Variants in RIN1 observed in about 807,000 individuals in gnomAD.
RIN1 encodes the protein Ras and Rab interactor 1.
A neutral mutation model predicts 64.9 loss-of-function variants in RIN1; 52 were observed. The observed-to-expected ratio is 0.80, with a 90% CI of 0.64 to 1.01. The LOEUF is 1.01. Among genes scored for constraint, RIN1 ranks in the 50% least tolerant of loss-of-function variants. The pLI, the probability that RIN1 is intolerant of heterozygous loss-of-function variation, is 0.00. For missense variants in RIN1, 1,040 were observed against 1,064.5 expected, an observed-to-expected ratio of 0.98 and a Z score of 0.32; for synonymous variants, 486 against 483.6, an observed-to-expected ratio of 1.00 and a Z score of -0.06.
chr11:66,334,347 G>A, intron 6 of RIN1, 123 bp from the exon 7 acceptor site: 1 of 1,223,450 alleles, frequency 8.2e-7, no homozygotes, highest in South Asian at 1.5e-5. Context: ...AGGTAGCCTG[G>A]GTGAGACGGA....
In RIN1 at chr11:66,336,348, T is replaced by C. The variant is rs1464844387; in HGVS notation, c.55A>G (p.Ser19Gly). Residue 19 changes from serine to glycine, a missense_variant, in exon 1 of 10, where the codon AGC (serine) becomes GGC (glycine). By Grantham distance (56) the Ser-to-Gly change is moderately conservative. Coordinates refer to ENST00000311320, the MANE Select transcript of RIN1 (RefSeq NM_004292.3). ...CTCGCCAGGTGCCCAGTAGTGAAGC[T>C]GGACGGGCTGGGGGCTCCAGGAGAG... is the stretch of plus-strand genomic sequence containing the variant. Reference protein sequence around the residue: ...AGSPGAPSPSSFTTGHLAREK... With the variant: ...AGSPGAPSPSGFTTGHLAREK... 3 of 1,613,670 alleles carry C rather than the reference T, an allele frequency of 1.9e-6. No individual in the cohort carries two copies. The highest frequency in any genetic ancestry group is 2.7e-5 in the African/African-American group (2 of 74,952).
At position 66,332,303 on chromosome 11, in the gene RIN1, T is replaced by C. The variant is rs768500232; in HGVS notation, c.2325A>G (p.Ala775=). 2 of 1,614,132 alleles carry C rather than the reference T, an allele frequency of 1.2e-6. No individual in the cohort carries two copies. The highest frequency in any genetic ancestry group is 1.7e-5 in the Admixed American group (1 of 60,026). Residue 775 remains alanine (A), a synonymous_variant, in exon 10 of 10, where the codon GCA becomes GCG. Transcript: ENST00000311320. The stretch of plus-strand genomic sequence containing the variant: ...ACTCCTCTGCTGCCCGGCTTCCCTC[T>C]GCCTCTGGTTCCCCTGGCTGAGCAG... ...EGPAQPGEPE[A]EGSRAAEE
chr11:66,336,501 C>T, upstream of RIN1: 1 of 1,011,218 alleles, frequency 9.9e-7, no homozygotes, highest in Non-Finnish European at 1.5e-6. Flanking sequence ...CCGCCTGTCA[C>T]ACCCGCCAGT....
chr11:66,334,951 G>A lies in RIN1; in HGVS notation c.848C>T (p.Pro283Leu). ...AVPSQTERLP[P>L]CQLLRRESSV... The stretch of plus-strand genomic sequence containing the variant: ...GCTCTCCCTCCGTAGCAGCTGGCAA[G>A]GGGGCAGCCGCTCTGTCTGGCTGGG... Residue 283 changes from proline (P) to leucine (L), a missense_variant, in exon 6 of 10, where the codon CCT (proline) becomes CTT (leucine). By Grantham distance (98) the Pro-to-Leu change is moderately conservative (BLOSUM62 -3). Coordinates refer to ENST00000311320, the MANE Select transcript of RIN1 (RefSeq NM_004292.3). 1 of 1,584,594 alleles carries A rather than the reference G, an allele frequency of 6.3e-7. No individual in the cohort carries two copies. Among genetic ancestry groups the A allele is most frequent in the Admixed American group, 1.8e-5 (1 of 56,902 alleles).
Position 66,334,206 on chromosome 11 carries a change from G to A in RIN1, c.1304C>T (p.Ser435Leu). Residue 435 changes from serine to leucine, a missense_variant, in exon 7 of 10, where the codon TCA becomes TTA. Transcript: ENST00000311320. ...PKRLEHVLEK[S>L]LHCSVLKPLR... ...AGGCTTGAGCACAGAGCAATGCAAT[G>A]ACTTCTCCAGGACATGTTCTGCCGG... The A allele has an allele frequency of 1.4e-6, 2 of 1,447,770 alleles. No homozygotes were observed. The highest frequency in any genetic ancestry group is 2.5e-5 in the East Asian group (1 of 39,360). The allele number at this position is 1,447,770 out of a possible 1,614,324, so 89.7% of individuals were successfully genotyped here.
rs566047167 is a variant in RIN1 at position 66,332,495 on chromosome 11, C to G, written c.2133G>C (p.Gly711=). The change falls in exon 10 of 10, where the codon GGG becomes GGC. Residue 711 remains glycine, a synonymous_variant. Coordinates refer to ENST00000311320, the MANE Select transcript of RIN1 (RefSeq NM_004292.3). ...CACTGCCCTCCTCCTCTGTCACAGC[C>G]CCCTGGGTCTCAGGCCACTCCGCCC... The part of the protein sequence containing the change: ...YRRAEWPETQ[G]AVTEEEGSGQ... The G allele has an allele frequency of 6.2e-7, 1 of 1,614,188 alleles. No homozygotes were observed. The highest frequency in any genetic ancestry group is 1.1e-5 in the South Asian group (1 of 91,092).
chr11:66,334,892 GGCCACT>G lies in RIN1; in HGVS notation c.901_906del (p.Ser301_Gly302del), dbSNP rs1256604750. ...AGGGAGGGCATAGGCGGAAGGCTAG[GGCCACT>G]GCCTGCTGGCACGCGGTACCCCACT... On this transcript the variant is annotated inframe_deletion, in exon 6 of 10. Transcript: ENST00000311320. 6.3e-7 allele frequency: 1 copy of G among 1,576,028 alleles called. No homozygotes were observed. The highest frequency in any genetic ancestry group is 8.6e-7 in the Non-Finnish European group (1 of 1,160,592).
At chr11:66,334,478 G>A in intron 6 of RIN1, 36 bp downstream of exon 6, 8 of 1,587,740 alleles carry the variant, frequency 5.0e-6, no homozygotes, top group Non-Finnish European at 6.8e-6. Context: ...GGGTCGGATG[G>A]GGCAGTGCTG....
Position 66,334,096 on chromosome 11 carries a change from C to T in RIN1, c.1414G>A (p.Ala472Thr). ...AAGGCTCCGGGGCCCTGGGCCCGGG[C>T]CAGGCGGAGGCCCTCAGCTAGGCGG... ...LGRLAEGLRLARAQGPGAFGS... is the reference protein window; with the variant it reads ...LGRLAEGLRLTRAQGPGAFGS... Residue 472 changes from alanine to threonine, a missense_variant, in exon 7 of 10, where the codon GCC (alanine) becomes ACC (threonine). Physicochemically the swap from Ala to Thr is moderately conservative, Grantham distance 58 (BLOSUM62 0). Coordinates refer to ENST00000311320, the MANE Select transcript of RIN1 (RefSeq NM_004292.3). 6.4e-7 allele frequency: 1 copy of T among 1,559,652 alleles called. No homozygotes were observed. The highest frequency in any genetic ancestry group is 8.7e-7 in the Non-Finnish European group (1 of 1,152,166).
chr11:66,333,963 A>G lies in RIN1; in HGVS notation c.1547T>C (p.Leu516Pro). Reference protein sequence around the residue: ...YSPSAQVKRLLQACKLLYMAL... With the variant: ...YSPSAQVKRLPQACKLLYMAL... The stretch of plus-strand genomic sequence containing the variant: ...CATGTAGAGCAGCTTGCAGGCCTGC[A>G]GGAGCCGCTTGACCTGGGCGCTGGG... Residue 516 changes from leucine (L) to proline (P), a missense_variant, in exon 7 of 10, where the codon CTG becomes CCG. Physicochemically the swap from Leu to Pro is moderately conservative, Grantham distance 98. Transcript: ENST00000311320. 6.4e-7 allele frequency: 1 copy of G among 1,557,452 alleles called. No individual in the cohort carries two copies. The highest frequency in any genetic ancestry group is 1.2e-5 in the South Asian group (1 of 84,438).
In RIN1 at chr11:66,335,955, CTGGAGTGTGGGGCAAGACT is replaced by C. The variant is rs1211615788; in HGVS notation, c.267+4_267+22del. 6.7e-7 allele frequency: 1 copy of C among 1,487,492 alleles called. No individual in the cohort carries two copies. The highest frequency in any genetic ancestry group is 8.9e-7 in the Non-Finnish European group (1 of 1,118,882). 92.1% of individuals were successfully genotyped at this position (1,487,492 alleles called of 1,614,324 possible). On this transcript the variant is annotated splice_donor_5th_base_variant and intron_variant, in intron 2 of 9. Transcript: ENST00000311320. ...CCTCCCACCCCTGGCTGGCCAGTCC[CTGGAGTGTGGGGCAAGACT>C]CACCCCCGGGGGCTCGGTCCTCAGC...
At chr11:66,334,248 CA>C (rs1300215845) in intron 6 of RIN1, 24 bp from the exon 7 acceptor site, 15 of 1,244,138 alleles carry the variant, frequency 1.2e-5, no homozygotes, top group Middle Eastern at 2.1e-4. Context: ...AGGGAGGGGT[CA>C]GGGGAAGACT....
rs747178181 is a variant in RIN1, at chr11:66,334,183, G to T, written c.1327C>A (p.Pro443Thr). The T allele has an allele frequency of 2.0e-6, 3 of 1,523,326 alleles. No homozygotes were observed. In the South Asian group the frequency reaches 3.9e-5, roughly 20 times the overall value. The allele number at this position is 1,523,326 out of a possible 1,614,324, so 94.4% of individuals were successfully genotyped here. ...CGGGCTGCCAGGATGGGCCGGAGAG[G>T]CTTGAGCACAGAGCAATGCAATGAC... is the stretch of plus-strand genomic sequence containing the variant. ...EKSLHCSVLK[P>T]LRPILAARLR... The change falls in exon 7 of 10, where the codon CCT becomes ACT. Residue 443 changes from proline (P) to threonine (T), a missense_variant. Physicochemically the swap from Pro to Thr is conservative, Grantham distance 38. Coordinates refer to ENST00000311320, the MANE Select transcript of RIN1 (RefSeq NM_004292.3).
At chr11:66,334,478 G>C in intron 6 of RIN1, 36 bp downstream of exon 6, 1 of 1,587,740 alleles carries the variant, frequency 6.3e-7, no homozygotes, top group Non-Finnish European at 8.6e-7. Context: ...GGGTCGGATG[G>C]GGCAGTGCTG....
Position 66,335,983 on chromosome 11 carries a change from G to C in RIN1, c.262C>G (p.Pro88Ala), listed in dbSNP as rs768770156. Residue 88 changes from proline (P) to alanine (A), a missense_variant, in exon 2 of 10, where the codon CCG (proline) becomes GCG (alanine). Transcript: ENST00000311320. ...GAGTGTGGGGCAAGACTCACCCCCG[G>C]GGGCTCGGTCCTCAGCATGTGCAGT... ...AALHMLRTEP[P>A]GTFLVRKSNT... 14 of 1,476,636 alleles carry C rather than the reference G, an allele frequency of 9.5e-6. No individual in the cohort carries two copies. Among genetic ancestry groups the C allele is most frequent in the Non-Finnish European group, 1.2e-5 (13 of 1,113,046 alleles). 91.5% of individuals were successfully genotyped at this position (1,476,636 alleles called of 1,614,324 possible).
In RIN1 at chr11:66,335,188, G is replaced by A. The variant is rs758683734; in HGVS notation, c.611C>T (p.Pro204Leu). ...TTGAGGGGACCGGGCCTTCAGCTGG[G>A]GCAACACTGGGCCTCCAGCCGGGCC... ...QRGPAGGPVLPQLKARSPQEL... is the reference protein window; with the variant it reads ...QRGPAGGPVLLQLKARSPQEL... Residue 204 changes from proline (P) to leucine (L), a missense_variant, in exon 6 of 10, where the codon CCC becomes CTC. By Grantham distance (98) the Pro-to-Leu change is moderately conservative. Coordinates refer to ENST00000311320, the MANE Select transcript of RIN1 (RefSeq NM_004292.3). 1 of 1,561,692 alleles carries A rather than the reference G, an allele frequency of 6.4e-7. No homozygotes were observed. Among genetic ancestry groups the A allele is most frequent in the South Asian group, 1.2e-5 (1 of 83,960 alleles).
At chr11:66,333,168 G>A (rs1368043239) in intron 9 of RIN1, 90 bp downstream of exon 9, 1 of 1,490,462 alleles carries the variant, frequency 6.7e-7, no homozygotes, top group Admixed American at 1.7e-5. Context: ...CCCAGGATCT[G>A]TCTACAGAGT....
chr11:66,332,753 C>T lies in RIN1; in HGVS notation c.1876-1G>A. ...CCTGATAGGCTACTCGGAGGAGGTG[C>T]TATGCAGGAGGAGAAGCAAAAACAA... On this transcript the variant is annotated splice_acceptor_variant, in intron 9 of 9. Transcript: ENST00000311320. LOFTEE classifies it high-confidence loss of function. The T allele has an allele frequency of 1.2e-5, 18 of 1,511,350 alleles. No homozygotes were observed. Among genetic ancestry groups the T allele is most frequent in the Non-Finnish European group, 1.6e-5 (18 of 1,131,870 alleles). The allele number at this position is 1,511,350 out of a possible 1,614,324, so 93.6% of individuals were successfully genotyped here.
rs1418065051 is a variant in RIN1, at chr11:66,332,511, C to T, written c.2117G>A (p.Trp706Ter). Residue 706 changes from tryptophan to a stop codon, truncating the protein, a stop_gained, in exon 10 of 10, where the codon TGG becomes TAG. Coordinates refer to ENST00000311320, the MANE Select transcript of RIN1 (RefSeq NM_004292.3). LOFTEE classifies it high-confidence loss of function. The part of the protein sequence containing the change: ...TGYLVYRRAE[W>*]PETQGAVTEE... Reference sequence around the variant, plus strand: ...TGTCACAGCCCCCTGGGTCTCAGGCCACTCCGCCCGGCGGTAGACGAGGTA... The same window carrying T: ...TGTCACAGCCCCCTGGGTCTCAGGCTACTCCGCCCGGCGGTAGACGAGGTA... 2.1e-5 allele frequency: 34 copies of T among 1,613,900 alleles called. No individual in the cohort carries two copies. Among genetic ancestry groups the T allele is most frequent in the Non-Finnish European group, 2.5e-5 (30 of 1,179,924 alleles).
Sources: gnomAD v4.1 joint callset for allele counts on GRCh38, gnomAD v4.1.1 for gene constraint, MANE v1.5 for transcripts, NCBI Gene and HGNC (gene_info 2026-07-23, HGNC 2026-07-21) for gene names.